Variants in SAMD14 observed in about 807,000 individuals in gnomAD.
SAMD14 encodes the protein sterile alpha motif domain-containing protein 14.
Under a neutral mutation model 46.2 loss-of-function variants are expected in SAMD14, and 27 were observed. That is an observed-to-expected ratio of 0.58 (90% CI 0.43 to 0.81). The LOEUF (loss-of-function observed/expected upper bound fraction) is 0.81. SAMD14 is among the 30% of genes least tolerant of loss of function. The pLI, the probability that SAMD14 is intolerant of heterozygous loss-of-function variation, is 0.00. For missense variants in SAMD14, 559 were observed against 582.2 expected (o/e 0.96, Z 0.41); for synonymous variants, 241 against 254.3 (o/e 0.95, Z 0.50).
intron 3 of SAMD14, 167 bp downstream of exon 3, chr17:50,117,994 G>T: frequency 1.3e-6 from 1 of 792,628 alleles, no homozygotes; most frequent in South Asian, 2.0e-5. Flanking sequence ...TCTTTACACA[G>T]GATTAAATGA....
rs202016696 is a variant in SAMD14, at chr17:50,124,765, G to GCACGCA, written c.43+151_43+152insTGCGTG. Reference sequence around the variant, plus strand: ...CCACAATACCTGCACGCGTGCACGCGCGCGCGCACACACACACACACACAC... The same window carrying GCACGCA: ...CCACAATACCTGCACGCGTGCACGCGCACGCACGCGCGCACACACACACACACACAC... On this transcript the variant is annotated intron_variant, in intron 2 of 9. Coordinates refer to ENST00000330175, the MANE Select transcript of SAMD14 (RefSeq NM_001257359.2). The GCACGCA allele has an allele frequency of 7.9e-6, 5 of 634,878 alleles. No homozygotes were observed. The African/African-American group carries it at 8.4e-5, about 11-fold the overall frequency. 39.3% of individuals were successfully genotyped at this position (634,878 alleles called of 1,614,324 possible).
Position 50,115,480 on chromosome 17 carries a change from T to A in SAMD14, c.822+84A>T. The A allele has an allele frequency of 7.0e-7, 1 of 1,421,996 alleles. No individual in the cohort carries two copies. The allele number at this position is 1,421,996 out of a possible 1,614,324, so 88.1% of individuals were successfully genotyped here. A position where few individuals can be genotyped will look rare whatever the true frequency, so the allele number is the denominator to read the frequency against. ...CAAATTGATTCCAGGAATGTCTGAA[T>A]CCCAGCCTGAGCCAAGGTGAAGTAC... On this transcript the variant is annotated intron_variant, in intron 7 of 9. Transcript: ENST00000330175. The surrounding 1 kb of genome is among the most constrained non-coding windows in gnomAD (Gnocchi z 5.3).
chr17:50,117,502 G>A lies in SAMD14; in HGVS notation c.404C>T (p.Ala135Val). ...GCGCGGCGGAGAGCAGGAGGCGGCG[G>A]CCAGGCCCTCGTGCGACGCAGCGTT... is the stretch of plus-strand genomic sequence containing the variant. ...LHNAASHEGL[A>V]AASCSPPRSA... The change falls in exon 4 of 10, where the codon GCC becomes GTC. Residue 135 changes from alanine (A) to valine (V), a missense_variant. Transcript: ENST00000330175. 1 of 1,463,694 alleles carries A rather than the reference G, an allele frequency of 6.8e-7. No individual in the cohort carries two copies. 90.7% of individuals were successfully genotyped at this position (1,463,694 alleles called of 1,614,324 possible). A position where few individuals can be genotyped will look rare whatever the true frequency, so the allele number is the denominator to read the frequency against.
In SAMD14 at chr17:50,118,233, T is replaced by C. The variant is rs1266393698; in HGVS notation, c.138A>G (p.Pro46=). 1 of 1,613,706 alleles carries C rather than the reference T, an allele frequency of 6.2e-7. No homozygotes were observed. The highest frequency in any genetic ancestry group is 1.3e-5 in the African/African-American group (1 of 74,924). ...CACTGTCCCGAAGCCTGGAGCGGGA[T>C]GGCCGGTGTCTCCGGCCCTTGGCCA... The part of the protein sequence containing the change: ...QLLAKGRRHR[P]SRSRLRDSAS... Residue 46 remains proline, a synonymous_variant, in exon 3 of 10, where the codon CCA becomes CCG. Coordinates refer to ENST00000330175, the MANE Select transcript of SAMD14 (RefSeq NM_001257359.2).
chr17:50,116,261 C>T, intron 4 of SAMD14, 171 bp from the exon 5 acceptor site: 1 of 996,506 alleles, frequency 1.0e-6, no homozygotes, highest in Non-Finnish European at 1.4e-6. Flanking sequence ...TCTGGCCTTC[C>T]TCCATTTTAA....
At position 50,130,079 on chromosome 17, in the gene SAMD14, C is replaced by T. The variant is rs995739315; in HGVS notation, c.-575G>A. ...GCGGGAGGGAGCGAGGGGGCGGGGG[C>T]GGGGGAGGGCGGCGGGGAGGAGGCG... is the stretch of plus-strand genomic sequence containing the variant. On this transcript the variant is annotated 5_prime_UTR_variant, in exon 1 of 10. Coordinates refer to ENST00000330175, the MANE Select transcript of SAMD14 (RefSeq NM_001257359.2). This position sits in a 1 kb window ranked among gnomAD's most constrained non-coding sequence, Gnocchi z 4.1. Among the ~76,000 whole-genome samples the T allele has an allele frequency of 2.2e-5, 2 of 92,274 alleles. No homozygotes were observed. The highest frequency in any genetic ancestry group is 1.9e-4 in the Admixed American group (2 of 10,546). The allele number at this position is 92,274 out of a possible 152,430, so 60.5% of individuals were successfully genotyped here.
chr17:50,116,342 A>G (rs555815479), intron 4 of SAMD14: 217 of 440,462 alleles, frequency 4.9e-4, no homozygotes, highest in African/African-American at 3.7e-3. Context: ...TTTACAAACT[A>G]TAAAACGTTC....
Position 50,110,422 on chromosome 17 carries a change from G to T in SAMD14, c.*2471C>A. On this transcript the variant is annotated 3_prime_UTR_variant, in exon 10 of 10. Transcript: ENST00000330175. The stretch of plus-strand genomic sequence containing the variant: ...CCAGGGCTGTCACTTTTCTGCCAGG[G>T]GTACTGGGTCCCCCTCAGCACCCTC... 4.6e-6 allele frequency: 1 copy of T among 218,512 alleles called. No individual in the cohort carries two copies. The highest frequency in any genetic ancestry group is 1.0e-4 in the East Asian group (1 of 9,864). 13.5% of individuals were successfully genotyped at this position (218,512 alleles called of 1,614,324 possible).
chr17:50,115,509 C>G lies in SAMD14; in HGVS notation c.822+55G>C, dbSNP rs967700537. 2.0e-6 allele frequency: 3 copies of G among 1,502,296 alleles called. No homozygotes were observed. The highest frequency in any genetic ancestry group is 2.8e-5 in the African/African-American group (2 of 71,438). The allele number at this position is 1,502,296 out of a possible 1,614,324, so 93.1% of individuals were successfully genotyped here. ...AGCCTGAGCCAAGGTGAAGTACGCC[C>G]TCATGTCACCTGAGACTGGGGGCCA... On this transcript the variant is annotated intron_variant, in intron 7 of 9. Transcript: ENST00000330175. The surrounding 1 kb of genome is among the most constrained non-coding windows in gnomAD (Gnocchi z 5.3).
At chr17:50,114,385 T>C in intron 7 of SAMD14, 79 bp from the exon 8 acceptor site, 1 of 1,614,026 alleles carries the variant, frequency 6.2e-7, no homozygotes, top group Non-Finnish European at 8.5e-7. Context: ...GCCGAAGTCC[T>C]GGACTAGGCA....
intron 2 of SAMD14, among the ~76,000 whole-genome samples, chr17:50,119,596 C>T (rs112858534): frequency 5.3e-5 from 8 of 152,154 alleles, no homozygotes; most frequent in South Asian, 2.1e-4. Context: ...GAAGTTACCA[C>T]GTCAAAGACC....
chr17:50,121,470 A>AACTTTTGTTAG (rs1373773178), intron 2 of SAMD14, among the ~76,000 whole-genome samples: 2 of 152,012 alleles, frequency 1.3e-5, no homozygotes, highest in African/African-American at 4.8e-5. Context: ...GGTGTGTGCC[A>AACTTTTGTTAG]CCACACCTGG....
chr17:50,117,946 TCA>T (rs1282819521), intron 3 of SAMD14: 3 of 654,880 alleles, frequency 4.6e-6, no homozygotes, highest in Non-Finnish European at 7.2e-6. Flanking sequence ...TCTCAGGGCC[TCA>T]GTTTCCTCAG....
Position 50,115,337 on chromosome 17 carries a change from A to AT in SAMD14, c.822+226dup, listed in dbSNP as rs1460553872. On this transcript the variant is annotated intron_variant, in intron 7 of 9. Transcript: ENST00000330175. This position sits in a 1 kb window ranked among gnomAD's most constrained non-coding sequence, Gnocchi z 5.3. ...CAGTGTTTAGTGATTTGTTGAATGC[A>AT]TGAAGCATTGACTGAATCAAGGAAT... Among the ~76,000 whole-genome samples, 1 of 152,246 alleles carries AT rather than the reference A, an allele frequency of 6.6e-6. No individual in the cohort carries two copies. The highest frequency in any genetic ancestry group is 1.5e-5 in the Non-Finnish European group (1 of 68,034).
At chr17:50,127,114 TTAAGTAAA>T (rs1364605279) in intron 1 of SAMD14, among the ~76,000 whole-genome samples, 2 of 147,370 alleles carry the variant, frequency 1.4e-5, no homozygotes, top group Non-Finnish European at 3.0e-5. Context: ...AAAAAAAAAA[TTAAGTAAA>T]TAAGTAAATA....
In SAMD14 at chr17:50,117,482, G is replaced by A; in HGVS notation, c.424C>T (p.Pro142Ser). 2 of 1,421,854 alleles carry A rather than the reference G, an allele frequency of 1.4e-6. No individual in the cohort carries two copies. The highest frequency in any genetic ancestry group is 1.5e-5 in the South Asian group (1 of 65,266). 88.1% of individuals were successfully genotyped at this position (1,421,854 alleles called of 1,614,324 possible). A position where few individuals can be genotyped will look rare whatever the true frequency, so the allele number is the denominator to read the frequency against. ...CTGTCGGAGGAGGGCGCGGAGCGCG[G>A]CGGAGAGCAGGAGGCGGCGGCCAGG... Reference protein sequence around the residue: ...EGLAAASCSPPRSAPSSDSSP... With the variant: ...EGLAAASCSPSRSAPSSDSSP... The change falls in exon 4 of 10, where the codon CCG (proline) becomes TCG (serine). Residue 142 changes from proline (P) to serine (S), a missense_variant. Pro to Ser is a moderately conservative substitution (Grantham distance 74, BLOSUM62 -1). Coordinates refer to ENST00000330175, the MANE Select transcript of SAMD14 (RefSeq NM_001257359.2).
chr17:50,120,307 A>T (rs1316714770), intron 2 of SAMD14, among the ~76,000 whole-genome samples: 1 of 152,042 alleles, frequency 6.6e-6, no homozygotes, highest in Non-Finnish European at 1.5e-5. Flanking sequence ...GAAAGGGAGG[A>T]GAGCAGAGGA....
rs774319548 is a variant in SAMD14, at chr17:50,112,883, G to A, written c.*10C>T. 1.2e-6 allele frequency: 2 copies of A among 1,600,766 alleles called. No individual in the cohort carries two copies. Among genetic ancestry groups the A allele is most frequent in the South Asian group, 1.1e-5 (1 of 90,884 alleles). On this transcript the variant is annotated 3_prime_UTR_variant, in exon 10 of 10. Transcript: ENST00000330175. ...GCCCCTGCCGGGTGCCAGCGCCTGTGCACCCTCCCCTAGCTCTTCTTGGCC... is the reference window on the plus strand; with the variant it reads ...GCCCCTGCCGGGTGCCAGCGCCTGTACACCCTCCCCTAGCTCTTCTTGGCC...
At position 50,114,217 on chromosome 17, in the gene SAMD14, G is replaced by C; in HGVS notation, c.912C>G (p.Pro304=). ...CTGAAGACTGAGACAGCGTGTGGTA[G>C]GGGTAAGAACATTTGGCCTCCTGCC... is the stretch of plus-strand genomic sequence containing the variant. ...GPWQEAKCSY[P]YHTLSQSSDE... is the part of the protein sequence containing the mutation. Residue 304 remains proline (P), a synonymous_variant, in exon 8 of 10, where the codon CCC becomes CCG. Transcript: ENST00000330175. 2.5e-6 allele frequency: 4 copies of C among 1,614,184 alleles called. No homozygotes were observed. The highest frequency in any genetic ancestry group is 3.4e-6 in the Non-Finnish European group (4 of 1,180,034).
Sources: gnomAD v4.1 joint callset for allele counts (sites outside exome capture counted in the v4.1 genomes callset) on GRCh38, gnomAD v4.1.1 for gene constraint, Gnocchi (gnomAD v3.1) non-coding constraint, MANE v1.5 for transcripts, NCBI Gene and HGNC (gene_info 2026-07-23, HGNC 2026-07-21) for gene names.